Variants in PDE11A observed in about 807,000 individuals in gnomAD.
The protein encoded by PDE11A is dual 3',5'-cyclic-AMP and -GMP phosphodiesterase 11A.
In PDE11A, 100 loss-of-function variants were observed where a neutral mutation model predicts 100.5. That is an observed-to-expected ratio of 1.00 (90% confidence interval 0.85 to 1.18). PDE11A has a LOEUF of 1.18. Among genes scored for constraint, PDE11A ranks in the 50% most tolerant of loss-of-function variants. The pLI is 0.00. For synonymous variants in PDE11A, 381 were observed against 420.8 expected (o/e 0.91, Z 1.16); for missense variants, 1,141 against 1,152.6 (o/e 0.99, Z 0.15).
intron 1 of PDE11A, among the ~76,000 whole-genome samples, chr2:178,014,694 G>T (rs137978351): frequency 3.9e-5 from 6 of 152,082 alleles, no homozygotes; most frequent in African/African-American, 1.4e-4. Context: ...AAGCCCAACC[G>T]CAACACATCA....
chr2:177,733,936 G>C (rs542172334), intron 10 of PDE11A, among the ~76,000 whole-genome samples: 2 of 152,324 alleles, frequency 1.3e-5, no homozygotes, highest in African/African-American at 4.8e-5. Context: ...GGTCAAATTT[G>C]CAGTGTGATT....
chr2:178,063,348 A>T (rs1017125274), intron 1 of PDE11A, among the ~76,000 whole-genome samples: 17 of 152,174 alleles, frequency 1.1e-4, no homozygotes, highest in African/African-American at 3.4e-4. Context: ...GTTAAACAGT[A>T]CCTAGGATTT....
At chr2:177,691,168 A>T (rs190405258) in intron 15 of PDE11A, among the ~76,000 whole-genome samples, 103 of 152,316 alleles carry the variant, frequency 6.8e-4, no homozygotes, top group African/African-American at 2.3e-3. Flanking sequence ...ATATAGCGTT[A>T]TGTAATCACA....
At position 177,769,351 on chromosome 2, in the gene PDE11A, C is replaced by T; in HGVS notation, c.1760G>A (p.Cys587Tyr). Residue 587 changes from cysteine to tyrosine, a missense_variant, in exon 10 of 20, where the codon TGT becomes TAT. Coordinates refer to ENST00000286063, the MANE Select transcript of PDE11A (RefSeq NM_016953.4). ...AAACTTGTCAACTTCAGCTTTTGAA[C>T]ATGTTGCATGGTATGATAGCACCTG... ...ALDVLSYHAT[C>Y]SKAEVDKFKA... The T allele has an allele frequency of 2.5e-6, 4 of 1,596,680 alleles. No homozygotes were observed. Among genetic ancestry groups the T allele is most frequent in the Non-Finnish European group, 3.4e-6 (4 of 1,164,292 alleles).
At chr2:177,680,730 T>G in intron 16 of PDE11A, 96 bp downstream of exon 16, 1 of 676,930 alleles carries the variant, frequency 1.5e-6, no homozygotes, top group South Asian at 1.8e-5. Context: ...TTTGTTACTT[T>G]AAAAATCACT....
intron 5 of PDE11A, among the ~76,000 whole-genome samples, chr2:177,859,240 T>C (rs1185259675): frequency 2.0e-5 from 3 of 150,364 alleles, no homozygotes; most frequent in Admixed American, 6.6e-5. Flanking sequence ...AAAAGTATAA[T>C]AAAAAAATAA....
rs985394307 is a variant in PDE11A, at chr2:177,998,848, G to GC, written c.1071+15453dup. The GC allele has an allele frequency of 6.5e-6, 4 of 618,810 alleles. No homozygotes were observed. The African/African-American group carries it at 7.4e-5, about 11-fold the overall frequency. The allele number at this position is 618,810 out of a possible 1,614,324, so 38.3% of individuals were successfully genotyped here. ...CACTGCCACCTCAGCACTTCTCCAA[G>GC]CCCACTACCTGCACTATTACACCCA... On this transcript the variant is annotated intron_variant, in intron 2 of 19. Coordinates refer to ENST00000286063, the MANE Select transcript of PDE11A (RefSeq NM_016953.4).
intron 9 of PDE11A, among the ~76,000 whole-genome samples, chr2:177,808,698 A>C (rs73034273): frequency 0.098 from 14,945 of 152,150 alleles, 773 homozygotes; most frequent in Middle Eastern, 0.14. Flanking sequence ...GCTGATCCAT[A>C]CCTAAAAATT....
At chr2:177,859,080 A>G (rs2083896413) in intron 5 of PDE11A, among the ~76,000 whole-genome samples, 1 of 151,966 alleles carries the variant, frequency 6.6e-6, no homozygotes, top group Non-Finnish European at 1.5e-5. Flanking sequence ...GGAACATCAC[A>G]CACCAGGGCC....
At chr2:177,971,249 T>A (rs1267537916) in intron 2 of PDE11A, among the ~76,000 whole-genome samples, 2 of 152,222 alleles carry the variant, frequency 1.3e-5, no homozygotes, top group African/African-American at 4.8e-5. Context: ...CAAAAATAGT[T>A]ACCAGCCACC....
Position 177,675,473 on chromosome 2 carries a change from C to A in PDE11A, c.2469G>T (p.Pro823=), listed in dbSNP as rs78996581. The A allele has an allele frequency of 2.5e-6, 4 of 1,613,078 alleles. No homozygotes were observed. In the African/African-American group the frequency reaches 5.3e-5, roughly 22 times the overall value. Residue 823 remains proline, a synonymous_variant, in exon 17 of 20, where the codon CCG becomes CCT. Coordinates refer to ENST00000286063, the MANE Select transcript of PDE11A (RefSeq NM_016953.4). ...CACTTGCCTGTCTGGAGATCTCCCA[C>A]GGTTTGGTCACGGCTCCAAGGTCAC... The part of the protein sequence containing the change: ...TACDLGAVTK[P]WEISRQVAEL...
At chr2:177,639,993 G>GA (rs1411228711) in intron 19 of PDE11A, among the ~76,000 whole-genome samples, 3 of 151,822 alleles carry the variant, frequency 2.0e-5, no homozygotes, top group Admixed American at 6.6e-5. Context: ...CATTTATTAA[G>GA]AAAAAAAGAC....
chr2:177,637,976 C>CAT lies in PDE11A; in HGVS notation c.2647-8415_2647-8414insAT, dbSNP rs776116736. ...ATACATATATACGTATATATATACA[C>CAT]GTGTATATATATATATATATATTTT... On this transcript the variant is annotated intron_variant, in intron 19 of 19. Transcript: ENST00000286063. Among the ~76,000 whole-genome samples the CAT allele has an allele frequency of 4.8e-4, 38 of 79,822 alleles. 3 individuals are homozygous for CAT. Among genetic ancestry groups the CAT allele is most frequent in the South Asian group, 9.2e-4 (2 of 2,172 alleles). The allele number at this position is 79,822 out of a possible 152,430, so 52.4% of individuals were successfully genotyped here.
chr2:177,949,438 T>C (rs2085481000), intron 2 of PDE11A, among the ~76,000 whole-genome samples: 1 of 152,194 alleles, frequency 6.6e-6, no homozygotes, highest in Non-Finnish European at 1.5e-5. Flanking sequence ...TTTTGTTTCC[T>C]TCATATACGT....
intron 1 of PDE11A, among the ~76,000 whole-genome samples, chr2:178,031,156 C>A (rs982362184): frequency 6.6e-6 from 1 of 152,112 alleles, no homozygotes; most frequent in Non-Finnish European, 1.5e-5. Flanking sequence ...GCAACAACCT[C>A]CTTAGCAAAC....
chr2:177,905,500 AAAG>A (rs1309441089), intron 2 of PDE11A, among the ~76,000 whole-genome samples: 3 of 152,244 alleles, frequency 2.0e-5, no homozygotes, highest in African/African-American at 7.2e-5. Flanking sequence ...TTCTTGGATA[AAAG>A]AAGGATAAAT....
intron 5 of PDE11A, among the ~76,000 whole-genome samples, chr2:177,870,098 G>GC (rs2084104773): frequency 6.6e-6 from 1 of 152,136 alleles, no homozygotes; most frequent in Non-Finnish European, 1.5e-5. Flanking sequence ...CCTGCCTTCA[G>GC]TTGCATAACT....
chr2:177,756,910 C>T (rs1390131902), intron 10 of PDE11A, among the ~76,000 whole-genome samples: 1 of 152,138 alleles, frequency 6.6e-6, no homozygotes, highest in Admixed American at 6.5e-5. Flanking sequence ...AAACCTGAAC[C>T]CATCTATCGA....
intron 1 of PDE11A, among the ~76,000 whole-genome samples, chr2:178,034,057 A>G (rs2086579631): frequency 6.6e-6 from 1 of 152,190 alleles, no homozygotes; most frequent in South Asian, 2.1e-4. Context: ...TATTAACCTT[A>G]AATGTAAATA....
Sources: allele counts gnomAD v4.1 joint callset (sites outside exome capture counted in the v4.1 genomes callset), GRCh38; gene constraint gnomAD v4.1.1; transcripts MANE v1.5; gene names NCBI Gene and HGNC (gene_info 2026-07-23, HGNC 2026-07-21).